The following ROBO2 variants were observed in gnomAD, a reference collection of about 807,000 sequenced individuals.
ROBO2 encodes roundabout homolog 2.
In ROBO2, 53 loss-of-function variants were observed where a neutral mutation model predicts 160.8. The ratio of observed to expected loss-of-function variants is 0.33; its 90% confidence interval spans 0.26 to 0.41. The LOEUF (loss-of-function observed/expected upper bound fraction) is 0.41. Ranked by LOEUF, ROBO2 falls within the 10% of genes least tolerant of loss-of-function variation. The pLI is 1.00. For missense variants in ROBO2, 1,577 were observed against 1,722.4 expected, an observed-to-expected ratio of 0.92 and a Z score of 1.49; for synonymous variants, 664 against 611.7, an observed-to-expected ratio of 1.09 and a Z score of -1.26.
chr3:76,277,125 C>T (rs572767632), intron 2 of ROBO2, among the ~76,000 whole-genome samples: 1 of 152,112 alleles, frequency 6.6e-6, no homozygotes, highest in South Asian at 2.1e-4. Context: ...CCATCATAAG[C>T]ATTCCAGTGG....
chr3:77,411,838 TTAAA>T (rs1392850630), intron 2 of ROBO2, among the ~76,000 whole-genome samples: 1 of 152,170 alleles, frequency 6.6e-6, no homozygotes, highest in African/African-American at 2.4e-5. Context: ...TTTAACCACT[TTAAA>T]TAATGTTTTT....
intron 2 of ROBO2, among the ~76,000 whole-genome samples, chr3:76,942,134 G>T (rs1408274857): frequency 6.6e-6 from 1 of 152,132 alleles, no homozygotes; most frequent in Non-Finnish European, 1.5e-5. Flanking sequence ...TTATTATATA[G>T]AAAATGTATA....
At chr3:77,636,377 G>A (rs1477059614) in intron 24 of ROBO2, among the ~76,000 whole-genome samples, 1 of 151,780 alleles carries the variant, frequency 6.6e-6, no homozygotes, top group Non-Finnish European at 1.5e-5. Context: ...GCAGATCACA[G>A]GGTCAGAAGA....
intron 2 of ROBO2, among the ~76,000 whole-genome samples, chr3:75,962,790 TG>T (rs1181670070): frequency 1.3e-5 from 2 of 151,902 alleles, no homozygotes; most frequent in African/African-American, 4.8e-5. Flanking sequence ...AAAATACGTG[TG>T]CTTTTATTTA....
intron 2 of ROBO2, among the ~76,000 whole-genome samples, chr3:76,257,001 C>T (rs1416503603): frequency 6.6e-6 from 1 of 152,022 alleles, no homozygotes; most frequent in Non-Finnish European, 1.5e-5. Flanking sequence ...GAGAGGACAG[C>T]ATGAAGTCAT....
At chr3:76,933,856 A>G (rs1246565712) in intron 2 of ROBO2, among the ~76,000 whole-genome samples, 3 of 152,222 alleles carry the variant, frequency 2.0e-5, no homozygotes, top group Non-Finnish European at 4.4e-5. Context: ...CTTTCCAGAC[A>G]TCAGCTATCA....
chr3:76,892,127 A>G (rs186221496), intron 2 of ROBO2, among the ~76,000 whole-genome samples: 4 of 151,584 alleles, frequency 2.6e-5, no homozygotes, highest in Non-Finnish European at 5.9e-5. Context: ...ATACTGGCAT[A>G]ATTTTTAAAG....
intron 2 of ROBO2, among the ~76,000 whole-genome samples, chr3:77,403,620 T>TGTG (rs2076015690): frequency 4.0e-5 from 1 of 25,076 alleles, no homozygotes; most frequent in African/African-American, 2.9e-4. Context: ...GTGTGTGTAT[T>TGTG]TTTTTTTTTA....
chr3:76,876,693 T>C (rs1437831895), intron 2 of ROBO2, among the ~76,000 whole-genome samples: 5 of 149,820 alleles, frequency 3.3e-5, no homozygotes, highest in Non-Finnish European at 5.9e-5. Flanking sequence ...AAAAAAAGAG[T>C]ATCTTGAAGG....
chr3:76,234,091 T>A (rs1045806580), intron 2 of ROBO2, among the ~76,000 whole-genome samples: 2 of 152,168 alleles, frequency 1.3e-5, no homozygotes, highest in African/African-American at 4.8e-5. Context: ...TCCATTCCTG[T>A]GTTAGTTTGC....
rs899224350 is a variant in ROBO2, at chr3:76,915,693, A to G, written c.110-182321A>G. ...TCTCAAAAAAAAAAAAAAAAGAAAAAAAAAGAGTGAAAAGCGTGACTTTCA... is the reference window on the plus strand; with the variant it reads ...TCTCAAAAAAAAAAAAAAAAGAAAAGAAAAGAGTGAAAAGCGTGACTTTCA... On this transcript the variant is annotated intron_variant, in intron 2 of 26. Coordinates refer to the ROBO2 transcript ENST00000487694. Among the ~76,000 whole-genome samples, 4 of 151,908 alleles carry G rather than the reference A, an allele frequency of 2.6e-5. 1 individual carries two copies. Among genetic ancestry groups the G allele is most frequent in the East Asian group, 3.9e-4 (2 of 5,184 alleles).
chr3:77,417,621 A>G (rs1310225232), intron 2 of ROBO2, among the ~76,000 whole-genome samples: 1 of 152,130 alleles, frequency 6.6e-6, no homozygotes, highest in Non-Finnish European at 1.5e-5. Context: ...ATTGATTTGT[A>G]CCACTTTAGT....
In ROBO2 at chr3:77,047,685, CA is replaced by C. The variant is rs2064816773; in HGVS notation, c.61+6846del. 2.7e-5 allele frequency among the ~76,000 whole-genome samples: 4 copies of C among 147,344 alleles called. No individual in the cohort carries two copies. In the East Asian group the frequency reaches 6.0e-4, roughly 22 times the overall value. ...CTAGGCAACGGGCAAAACTCCGTCT[CA>C]AAAAAATATATATAATGATATATAT... On this transcript the variant is annotated intron_variant, in intron 1 of 25. Coordinates refer to ENST00000461745, the Ensembl canonical transcript of ROBO2.
At chr3:77,039,985 C>A in exon 1 of ROBO2, 1 of 539,750 alleles carries the variant, frequency 1.9e-6, no homozygotes, top group Non-Finnish European at 2.4e-6. Flanking sequence ...CGCCCGCAGC[C>A]GCCTGGTGCA....
chr3:76,083,789 G>A (rs116754652), intron 2 of ROBO2, among the ~76,000 whole-genome samples: 10 of 152,164 alleles, frequency 6.6e-5, no homozygotes, highest in South Asian at 6.2e-4. Context: ...ATTGAATAGC[G>A]TGTAGACTTT....
intron 2 of ROBO2, among the ~76,000 whole-genome samples, chr3:76,383,017 T>C (rs2076711552): frequency 6.6e-6 from 1 of 152,200 alleles, no homozygotes. Context: ...AGCATAATTT[T>C]AATCTCAGAG....
chr3:77,337,050 A>C (rs911361078), intron 2 of ROBO2, among the ~76,000 whole-genome samples: 3 of 152,182 alleles, frequency 2.0e-5, no homozygotes. Context: ...CAAGAGATGA[A>C]GTTTCATTGC....
chr3:76,039,204 T>G (rs1013231641), intron 2 of ROBO2, among the ~76,000 whole-genome samples: 1 of 151,970 alleles, frequency 6.6e-6, no homozygotes, highest in Non-Finnish European at 1.5e-5. Context: ...GGCTTTTGTT[T>G]GTTTCAGGGA....
intron 2 of ROBO2, among the ~76,000 whole-genome samples, chr3:76,324,526 A>G (rs2072847679): frequency 6.6e-6 from 1 of 152,308 alleles, no homozygotes; most frequent in Admixed American, 6.5e-5. Flanking sequence ...AATTTCTTCA[A>G]TCCGTTAAAT....
Sources: allele counts gnomAD v4.1 joint callset (sites outside exome capture counted in the v4.1 genomes callset), GRCh38; gene constraint gnomAD v4.1.1; transcripts MANE v1.5; gene names NCBI Gene and HGNC (gene_info 2026-07-23, HGNC 2026-07-21).